SYN3: variants seen among roughly 807,000 people sequenced by gnomAD.
SYN3 encodes the protein synapsin-3.
A neutral mutation model predicts 65.8 loss-of-function variants in SYN3; 35 were observed. The observed-to-expected ratio is 0.53, with a 90% CI of 0.41 to 0.70. SYN3 has a LOEUF of 0.70. SYN3 is among the 30% of genes least tolerant of loss of function. The pLI is 0.00. For missense variants in SYN3, 680 were observed against 749.0 expected, an observed-to-expected ratio of 0.91 and a Z score of 1.08; for synonymous variants, 270 against 292.9, an observed-to-expected ratio of 0.92 and a Z score of 0.80.
intron 6 of SYN3, among the ~76,000 whole-genome samples, chr22:32,650,224 TC>T (rs2060042831): frequency 3.1e-5 from 4 of 127,968 alleles, no homozygotes; most frequent in East Asian, 3.2e-4. Context: ...TTTCTCTCTC[TC>T]TCTCTCTCCC....
intron 6 of SYN3, among the ~76,000 whole-genome samples, chr22:32,794,251 A>C (rs1300185905): frequency 1.3e-5 from 2 of 152,222 alleles, no homozygotes; most frequent in Non-Finnish European, 1.5e-5. Context: ...CCTTCTGAGG[A>C]GAAACTAGCT....
At chr22:32,830,804 G>A (rs2047551311) in intron 6 of SYN3, among the ~76,000 whole-genome samples, 1 of 152,182 alleles carries the variant, frequency 6.6e-6, no homozygotes, top group African/African-American at 2.4e-5. Context: ...GTGGCCCCTG[G>A]CTTCTCCCAG....
At chr22:32,931,284 C>A in intron 4 of SYN3, 106 bp downstream of exon 4, 1 of 741,772 alleles carries the variant, frequency 1.3e-6, no homozygotes, top group Admixed American at 2.0e-5. Flanking sequence ...CAGGAAAGTA[C>A]ATGTGGCAAA....
At chr22:32,944,212 G>C (rs1053099058) in intron 3 of SYN3, among the ~76,000 whole-genome samples, 2 of 152,094 alleles carry the variant, frequency 1.3e-5, no homozygotes, top group African/African-American at 2.4e-5. Flanking sequence ...GCACTCCTCA[G>C]CAAATGTAAA....
chr22:32,530,730 C>T (rs2058054124), intron 10 of SYN3, among the ~76,000 whole-genome samples: 1 of 152,114 alleles, frequency 6.6e-6, no homozygotes, highest in South Asian at 2.1e-4. Flanking sequence ...ACTGGCTGGG[C>T]GCGGTGGCTC....
At chr22:32,806,956 C>T (rs1369604664) in intron 6 of SYN3, among the ~76,000 whole-genome samples, 1 of 151,958 alleles carries the variant, frequency 6.6e-6, no homozygotes, top group Non-Finnish European at 1.5e-5. Flanking sequence ...AATAGTAGAA[C>T]ATTAAACATC....
chr22:32,841,160 C>A (rs937801779), intron 6 of SYN3, among the ~76,000 whole-genome samples: 6 of 152,176 alleles, frequency 3.9e-5, no homozygotes, highest in Admixed American at 6.5e-5. Context: ...ATATGAGGTG[C>A]CTGTTATGTG....
chr22:32,881,362 ATC>A (rs1377394641), intron 4 of SYN3, among the ~76,000 whole-genome samples: 1 of 152,174 alleles, frequency 6.6e-6, no homozygotes, highest in African/African-American at 2.4e-5. Context: ...CCCCACACAT[ATC>A]TCTGTCTGAC....
intron 6 of SYN3, among the ~76,000 whole-genome samples, chr22:32,755,306 T>TC (rs1382360414): frequency 6.6e-6 from 1 of 152,166 alleles, no homozygotes; most frequent in Non-Finnish European, 1.5e-5. Flanking sequence ...CAGTGAATGC[T>TC]CTTGTCACTT....
At chr22:32,762,036 T>C (rs1245313368) in intron 6 of SYN3, among the ~76,000 whole-genome samples, 2 of 152,166 alleles carry the variant, frequency 1.3e-5, no homozygotes, top group Non-Finnish European at 2.9e-5. Context: ...GGTGATGGCA[T>C]CGGTTTTCTC....
intron 4 of SYN3, among the ~76,000 whole-genome samples, chr22:32,895,747 G>A (rs1274086339): frequency 3.9e-5 from 6 of 152,050 alleles, no homozygotes; most frequent in Non-Finnish European, 7.3e-5. Flanking sequence ...AAATGAAACC[G>A]ACAAACATTT....
At chr22:32,745,897 G>C (rs773153173) in intron 6 of SYN3, among the ~76,000 whole-genome samples, 3 of 152,200 alleles carry the variant, frequency 2.0e-5, no homozygotes, top group Non-Finnish European at 4.4e-5. Flanking sequence ...CCAGCGTGGT[G>C]CCGACCAGTC....
chr22:32,564,662 A>C (rs1207316302), intron 7 of SYN3, among the ~76,000 whole-genome samples: 1 of 151,250 alleles, frequency 6.6e-6, no homozygotes, highest in Non-Finnish European at 1.5e-5. Context: ...GTACACAAAC[A>C]GTGCTCCCAG....
intron 12 of SYN3, among the ~76,000 whole-genome samples, chr22:32,518,909 A>G (rs1439412988): frequency 1.3e-5 from 2 of 152,214 alleles, no homozygotes; most frequent in South Asian, 2.1e-4. Context: ...TTAAAGTTAA[A>G]TGAGGTGATA....
At chr22:32,752,187 G>C (rs2045149398) in intron 6 of SYN3, among the ~76,000 whole-genome samples, 2 of 152,180 alleles carry the variant, frequency 1.3e-5, no homozygotes, top group Non-Finnish European at 2.9e-5. Context: ...TCCTTACTGA[G>C]GGTAAAGCTG....
At chr22:32,751,750 G>T (rs1389042199) in intron 6 of SYN3, among the ~76,000 whole-genome samples, 1 of 152,196 alleles carries the variant, frequency 6.6e-6, no homozygotes, top group Non-Finnish European at 1.5e-5. Context: ...GGAAAGGCTT[G>T]CAGGGGCTAA....
chr22:32,538,898 T>A lies in SYN3; in HGVS notation c.918-788A>T, dbSNP rs187679933. Among the ~76,000 whole-genome samples the A allele has an allele frequency of 2.8e-3, 428 of 152,246 alleles. 2 individuals carry two copies. Among genetic ancestry groups the A allele is most frequent in the Non-Finnish European group, 4.4e-3 (297 of 68,018 alleles). Reference sequence around the variant, plus strand: ...AGGAGAATCCTGACGGTAGGGGACATGTTTAACTTCATCCCCTGTATACCC... The same window carrying A: ...AGGAGAATCCTGACGGTAGGGGACAAGTTTAACTTCATCCCCTGTATACCC... On this transcript the variant is annotated intron_variant, in intron 8 of 13. Transcript: ENST00000358763.
chr22:32,606,783 T>C (rs1190415227), intron 6 of SYN3, among the ~76,000 whole-genome samples: 1 of 151,642 alleles, frequency 6.6e-6, no homozygotes, highest in Non-Finnish European at 1.5e-5. Context: ...CTCCTCTTCA[T>C]TCAGCCAACT....
chr22:32,786,432 T>C (rs1215682305), intron 6 of SYN3, among the ~76,000 whole-genome samples: 2 of 151,164 alleles, frequency 1.3e-5, no homozygotes, highest in Admixed American at 1.3e-4. Context: ...CAGGCTGGAG[T>C]GCTCACTGCA....
Sources: gnomAD v4.1 joint callset for allele counts (sites outside exome capture counted in the v4.1 genomes callset) on GRCh38, gnomAD v4.1.1 for gene constraint, MANE v1.5 for transcripts, NCBI Gene and HGNC (gene_info 2026-07-23, HGNC 2026-07-21) for gene names.